The following ZZEF1 variants were observed in gnomAD, a reference collection of about 807,000 sequenced individuals.
The protein encoded by ZZEF1 is zinc finger ZZ-type and EF-hand domain containing 1.
Under a neutral mutation model 342.8 loss-of-function variants are expected in ZZEF1, and 157 were observed. That is an observed-to-expected ratio of 0.46 (90% CI 0.40 to 0.52). The LOEUF (loss-of-function observed/expected upper bound fraction) is 0.52, where lower values mean the gene tolerates loss of function less well. Among genes scored for constraint, ZZEF1 ranks in the 20% least tolerant of loss-of-function variants. ZZEF1 has a pLI of 0.00. For synonymous variants in ZZEF1, 1,505 were observed against 1,429.1 expected (o/e 1.05, Z -1.20); for missense variants, 3,480 against 3,725.6 (o/e 0.93, Z 1.72).
At chr17:4,128,063 A>G (rs1054476966) in intron 1 of ZZEF1, among the ~76,000 whole-genome samples, 4 of 152,024 alleles carry the variant, frequency 2.6e-5, no homozygotes, top group Non-Finnish European at 5.9e-5. Flanking sequence ...CAACTAGGAG[A>G]GGCCAGATGC....
chr17:4,017,509 G>T lies in ZZEF1; in HGVS notation c.7863C>A (p.His2621Gln). ...NEATAVLYAR[H>Q]VLASLLAEWP... ...ACTCGGCGAGCAGGGATGCAAGCAC[G>T]TGGCGGGCGTACAGGACAGCTGTGG... is the stretch of plus-strand genomic sequence containing the variant. Residue 2621 changes from histidine to glutamine, a missense_variant, in exon 48 of 55, where the codon CAC becomes CAA. Physicochemically the swap from His to Gln is conservative, Grantham distance 24 (BLOSUM62 0). Coordinates refer to ENST00000381638, the MANE Select transcript of ZZEF1 (RefSeq NM_015113.4). The surrounding 1 kb of genome is among the most constrained non-coding windows in gnomAD (Gnocchi z 5.1). The T allele has an allele frequency of 5.6e-6, 9 of 1,614,276 alleles. No individual in the cohort carries two copies. The highest frequency in any genetic ancestry group is 6.8e-6 in the Non-Finnish European group (8 of 1,180,056).
chr17:4,044,448 A>C, intron 37 of ZZEF1, 74 bp from the exon 38 acceptor site: 2 of 1,400,594 alleles, frequency 1.4e-6, no homozygotes, highest in South Asian at 2.7e-5. Context: ...ATAACTTTTT[A>C]ATGATTAGCC....
chr17:4,084,872 G>A (rs930343387), intron 16 of ZZEF1, among the ~76,000 whole-genome samples: 6 of 152,224 alleles, frequency 3.9e-5, no homozygotes, highest in African/African-American at 1.4e-4. Flanking sequence ...CAGCACTTTG[G>A]GAGGCTGAGG....
At chr17:4,109,627 G>T in intron 6 of ZZEF1, 26 bp downstream of exon 6, 3 of 1,610,602 alleles carry the variant, frequency 1.9e-6, no homozygotes, top group Non-Finnish European at 1.7e-6. Flanking sequence ...TGTTGAGGGG[G>T]CTGGAACATA....
Position 4,014,523 on chromosome 17 carries a change from G to C in ZZEF1, c.8146-8C>G. The stretch of plus-strand genomic sequence containing the variant: ...AGGAATGTGAACTTTATCCTAGGGA[G>C]GGGAAATGGAGAACACATCTGTCGA... On this transcript the variant is annotated splice_polypyrimidine_tract_variant and splice_region_variant and intron_variant, in intron 49 of 54. Transcript: ENST00000381638. The surrounding 1 kb of genome is among the most constrained non-coding windows in gnomAD (Gnocchi z 4.4). The C allele has an allele frequency of 6.2e-7, 1 of 1,614,010 alleles. No individual in the cohort carries two copies. The highest frequency in any genetic ancestry group is 1.7e-5 in the Admixed American group (1 of 60,012).
chr17:4,100,648 A>G (rs530678184), intron 9 of ZZEF1, among the ~76,000 whole-genome samples: 14 of 152,230 alleles, frequency 9.2e-5, no homozygotes, highest in African/African-American at 3.4e-4. Context: ...ATCCTGGCTA[A>G]CGTGGTGAAA....
chr17:4,076,781 A>C, intron 20 of ZZEF1, 22 bp from the exon 21 acceptor site: 1 of 1,608,338 alleles, frequency 6.2e-7, no homozygotes, highest in Non-Finnish European at 8.5e-7. Flanking sequence ...TGGATGAAGC[A>C]CTCAGCGTCC....
At position 4,075,286 on chromosome 17, in the gene ZZEF1, A is replaced by G. The variant is rs751045436; in HGVS notation, c.3378T>C (p.Asp1126=). The change falls in exon 22 of 55, where the codon GAT becomes GAC. Residue 1126 remains aspartate (D), a synonymous_variant. Transcript: ENST00000381638. ...ACCTTTTTTCAGTTTCACACCTGTCATCGAATTCCACTTCAAAATAGGTTG... is the reference window on the plus strand; with the variant it reads ...ACCTTTTTTCAGTTTCACACCTGTCGTCGAATTCCACTTCAAAATAGGTTG... The part of the protein sequence containing the change: ...PGATYFEVEF[D]DRCETEKRYD... 8.1e-6 allele frequency: 13 copies of G among 1,614,212 alleles called. No homozygotes were observed. Among genetic ancestry groups the G allele is most frequent in the Non-Finnish European group, 1.1e-5 (13 of 1,180,032 alleles).
chr17:4,105,863 C>CA (rs1209268602), intron 6 of ZZEF1, 54 bp from the exon 7 acceptor site: 1 of 1,438,582 alleles, frequency 7.0e-7, no homozygotes, highest in East Asian at 2.3e-5. Flanking sequence ...CGAATTTAGA[C>CA]AAAAAATAAA....
chr17:4,021,032 G>T, intron 45 of ZZEF1, 97 bp downstream of exon 45: 3 of 1,323,152 alleles, frequency 2.3e-6, no homozygotes, highest in African/African-American at 1.5e-5. Flanking sequence ...ACAGCAGACA[G>T]AAGCATTTTC....
At chr17:4,134,720 T>A (rs965516) in intron 1 of ZZEF1, among the ~76,000 whole-genome samples, 116,351 of 151,898 alleles carry the variant, frequency 0.77, 46,745 homozygotes, top group East Asian at 1. Context: ...GAGCTTGAAT[T>A]TGAATCCTGG....
Position 4,013,528 on chromosome 17 carries a change from C to T in ZZEF1, c.8500G>A (p.Val2834Met), listed in dbSNP as rs778892306. 14 of 1,614,014 alleles carry T rather than the reference C, an allele frequency of 8.7e-6. No homozygotes were observed. The highest frequency in any genetic ancestry group is 2.2e-5 in the East Asian group (1 of 44,892). Residue 2834 changes from valine (V) to methionine (M), a missense_variant, in exon 52 of 55, where the codon GTG becomes ATG. By Grantham distance (21) the Val-to-Met change is conservative. This residue lies in a region of ZZEF1 where 1,269 missense variants were observed against 1,342.4 expected (regional missense o/e 0.95). Transcript: ENST00000381638. The stretch of plus-strand genomic sequence containing the variant: ...TGATGGCCAGTCTGGCGACAGGCCA[C>T]GCCCACCAGCCATTCCCAAATTTTT... The part of the protein sequence containing the change: ...LAKIWEWLVG[V>M]ACRQTGHQRL...
chr17:4,016,657 A>G lies in ZZEF1; in HGVS notation c.8002-191T>C, dbSNP rs1346783775. 2 of 587,596 alleles carry G rather than the reference A, an allele frequency of 3.4e-6. No individual in the cohort carries two copies. The highest frequency in any genetic ancestry group is 5.9e-6 in the Non-Finnish European group (2 of 336,166). The allele number at this position is 587,596 out of a possible 1,614,324, so 36.4% of individuals were successfully genotyped here. A position where few individuals can be genotyped will look rare whatever the true frequency, so the allele number is the denominator to read the frequency against. On this transcript the variant is annotated intron_variant, in intron 48 of 54. Coordinates refer to ENST00000381638, the MANE Select transcript of ZZEF1 (RefSeq NM_015113.4). This position sits in a 1 kb window ranked among gnomAD's most constrained non-coding sequence, Gnocchi z 4.4. The stretch of plus-strand genomic sequence containing the variant: ...CTTGACCAGGCTCTTGGTGTCAATC[A>G]GGACACTGCAGTCCTTTCAGAATGA...
chr17:4,102,541 A>G (rs905078228), intron 8 of ZZEF1, 126 bp from the exon 9 acceptor site: 1 of 741,700 alleles, frequency 1.3e-6, no homozygotes, highest in African/African-American at 1.8e-5. Flanking sequence ...CCCTGTTTAA[A>G]AGCTGAAATA....
At position 4,064,402 on chromosome 17, in the gene ZZEF1, G is replaced by A. The variant is rs148256527; in HGVS notation, c.4677C>T (p.Asp1559=). The change falls in exon 29 of 55, where the codon GAC becomes GAT. Residue 1559 remains aspartate, a synonymous_variant. Coordinates refer to ENST00000381638, the MANE Select transcript of ZZEF1 (RefSeq NM_015113.4). Reference sequence around the variant, plus strand: ...ACTGATCCTTAATGAAGTCCATGACGTCCTTCAGCACAGGGTATTTCTCTT... The same window carrying A: ...ACTGATCCTTAATGAAGTCCATGACATCCTTCAGCACAGGGTATTTCTCTT... ...TVKEKYPVLK[D]VMDFIKDQSL... 1.2e-4 allele frequency: 187 copies of A among 1,607,118 alleles called. 1 individual carries two copies. The highest frequency in any genetic ancestry group is 6.6e-4 in the Middle Eastern group (4 of 6,050).
Position 4,013,550 on chromosome 17 carries a change from T to G in ZZEF1, c.8478A>C (p.Lys2826Asn), listed in dbSNP as rs994762913. ...CCACGCCCACCAGCCATTCCCAAAT[T>G]TTTGCCAATGGGAGATGAGGCACGA... Reference protein sequence around the residue: ...ERVVPHLPLAKIWEWLVGVAC... With the variant: ...ERVVPHLPLANIWEWLVGVAC... Residue 2826 changes from lysine (K) to asparagine (N), a missense_variant, in exon 52 of 55, where the codon AAA (lysine) becomes AAC (asparagine). Physicochemically the swap from Lys to Asn is moderately conservative, Grantham distance 94 (BLOSUM62 0). Transcript: ENST00000381638. 6 of 1,614,088 alleles carry G rather than the reference T, an allele frequency of 3.7e-6. No individual in the cohort carries two copies. The highest frequency in any genetic ancestry group is 5.1e-6 in the Non-Finnish European group (6 of 1,179,988).
intron 46 of ZZEF1, among the ~76,000 whole-genome samples, chr17:4,019,208 C>T (rs749730489): frequency 1.7e-4 from 26 of 151,870 alleles, no homozygotes; most frequent in Admixed American, 4.6e-4. Flanking sequence ...AATTAGGATA[C>T]GGGGGATGGA....
chr17:4,030,430 TCAGGACATAACCC>T (rs2056516737), intron 42 of ZZEF1, among the ~76,000 whole-genome samples: 1 of 152,258 alleles, frequency 6.6e-6, no homozygotes, highest in Admixed American at 6.5e-5. Context: ...AATGGGTTTA[TCAGGACATAACCC>T]CATTATAAAC....
In ZZEF1 at chr17:4,082,451, C is replaced by G. The variant is rs759993453; in HGVS notation, c.2700G>C (p.Leu900=). 2.5e-6 allele frequency: 4 copies of G among 1,614,132 alleles called. No homozygotes were observed. The highest frequency in any genetic ancestry group is 2.5e-6 in the Non-Finnish European group (3 of 1,179,978). The change falls in exon 17 of 55, where the codon CTG becomes CTC. Residue 900 remains leucine (L), a synonymous_variant. Transcript: ENST00000381638. ...GATCAGCTTACCTAAAATACGTGCA[C>G]AGTGAACGGAAAGTGAGCTGCAGGG... ...KQSLQLTFRS[L]CTYFSDKDPG... is the part of the protein sequence containing the mutation.
Sources: gnomAD v4.1 joint callset for allele counts (sites outside exome capture counted in the v4.1 genomes callset) on GRCh38, gnomAD v4.1.1 for gene constraint, gnomAD v4.1.1 regional missense constraint, Gnocchi (gnomAD v3.1) non-coding constraint, MANE v1.5 for transcripts, NCBI Gene and HGNC (gene_info 2026-07-23, HGNC 2026-07-21) for gene names.